The following FOXN2 variants were observed in gnomAD, a reference collection of about 807,000 sequenced individuals.
FOXN2 encodes forkhead box protein N2.
FOXN2 carries 19 observed loss-of-function variants against 41.2 expected under a neutral mutation model. That is an observed-to-expected ratio of 0.46 (90% CI 0.32 to 0.68). The LOEUF (loss-of-function observed/expected upper bound fraction) is 0.68. Ranked by LOEUF, FOXN2 falls within the 30% of genes least tolerant of loss-of-function variation. The pLI is 0.03. For synonymous variants in FOXN2, 195 were observed against 176.8 expected (o/e 1.10, Z -0.82); for missense variants, 587 against 509.4 (o/e 1.15, Z -1.47).
chr2:48,335,240 A>G (rs1474900588), intron 2 of FOXN2, among the ~76,000 whole-genome samples: 1 of 152,250 alleles, frequency 6.6e-6, no homozygotes, highest in Non-Finnish European at 1.5e-5. Flanking sequence ...AAATGAAGAA[A>G]AGAGCAAACA....
intron 5 of FOXN2, among the ~76,000 whole-genome samples, chr2:48,369,871 A>C (rs940632220): frequency 1.3e-5 from 2 of 152,036 alleles, no homozygotes; most frequent in African/African-American, 4.8e-5. Flanking sequence ...GCGGTGGTAC[A>C]TGCCTGTGGT....
In FOXN2 at chr2:48,317,911, G is replaced by A. The variant is rs984901410; in HGVS notation, c.-157+3097G>A. 4.6e-5 allele frequency among the ~76,000 whole-genome samples: 7 copies of A among 151,960 alleles called. No homozygotes were observed. In the South Asian group the frequency reaches 1.5e-3, roughly 32 times the overall value. ...CGGGAACCACCACGCCCGGCTTATAGTATTGTTTTATTAATAATTTTATAT... is the reference window on the plus strand; with the variant it reads ...CGGGAACCACCACGCCCGGCTTATAATATTGTTTTATTAATAATTTTATAT... On this transcript the variant is annotated intron_variant, in intron 1 of 6. Coordinates refer to ENST00000340553, the MANE Select transcript of FOXN2 (RefSeq NM_002158.4).
At position 48,359,281 on chromosome 2, in the gene FOXN2, AGTTTTTAGTTTTT is replaced by A. The variant is rs1672015371; in HGVS notation, c.638+141_638+153del. 4.5e-6 allele frequency: 3 copies of A among 660,666 alleles called. No individual in the cohort carries two copies. In the South Asian group the frequency reaches 6.4e-5, roughly 14 times the overall value. 40.9% of individuals were successfully genotyped at this position (660,666 alleles called of 1,614,324 possible). ...AGTATTTATGTTTTATTTAGTTTTT[AGTTTTTAGTTTTT>A]GTTTTTGTTTTGTTTTGTGGACACA... On this transcript the variant is annotated intron_variant, in intron 4 of 6. Coordinates refer to ENST00000340553, the MANE Select transcript of FOXN2 (RefSeq NM_002158.4).
At chr2:48,315,683 T>C (rs866821987) in intron 1 of FOXN2, among the ~76,000 whole-genome samples, 2 of 152,166 alleles carry the variant, frequency 1.3e-5, no homozygotes, top group Admixed American at 6.5e-5. Context: ...AAGCAGCCCA[T>C]GTGCTCCGTG....
At chr2:48,336,419 AT>A (rs887540829) in intron 2 of FOXN2, among the ~76,000 whole-genome samples, 22 of 90,794 alleles carry the variant, frequency 2.4e-4, no homozygotes, top group South Asian at 6.7e-4. Context: ...AAAAAAAAAA[AT>A]ATATATATAT....
At chr2:48,335,367 T>G (rs1670267012) in intron 2 of FOXN2, among the ~76,000 whole-genome samples, 1 of 152,108 alleles carries the variant, frequency 6.6e-6, no homozygotes, top group East Asian at 1.9e-4. Context: ...AGGTAAATCT[T>G]AAGAAATTTA....
intron 2 of FOXN2, among the ~76,000 whole-genome samples, chr2:48,333,888 GGT>G (rs150519800): frequency 5.4e-4 from 81 of 150,310 alleles, no homozygotes; most frequent in Non-Finnish European, 9.9e-4. Flanking sequence ...TAGGATGTGA[GGT>G]GTGTGTGTGT....
At chr2:48,316,984 G>A (rs1338877757) in intron 1 of FOXN2, among the ~76,000 whole-genome samples, 2 of 151,972 alleles carry the variant, frequency 1.3e-5, no homozygotes, top group African/African-American at 4.8e-5. Context: ...TAGGCCTTAG[G>A]GCAGAAAAGA....
At chr2:48,369,151 A>G (rs1408941201) in intron 5 of FOXN2, among the ~76,000 whole-genome samples, 3 of 152,228 alleles carry the variant, frequency 2.0e-5, no homozygotes, top group South Asian at 2.1e-4. Flanking sequence ...GTATTCATGT[A>G]GCTTTCTTAT....
chr2:48,372,823 C>T (rs1374048630), intron 5 of FOXN2, among the ~76,000 whole-genome samples: 2 of 151,102 alleles, frequency 1.3e-5, no homozygotes, highest in African/African-American at 2.4e-5. Context: ...CCTAGACTGA[C>T]GAATTACATA....
chr2:48,367,431 A>C (rs1672605697), intron 5 of FOXN2, among the ~76,000 whole-genome samples: 1 of 152,208 alleles, frequency 6.6e-6, no homozygotes, highest in African/African-American at 2.4e-5. Flanking sequence ...TTAGGGCTAC[A>C]TGTAAAGCTA....
intron 2 of FOXN2, among the ~76,000 whole-genome samples, chr2:48,333,888 G>GGTGT (rs150519800): frequency 7.3e-5 from 11 of 150,412 alleles, no homozygotes; most frequent in African/African-American, 2.2e-4. Flanking sequence ...TAGGATGTGA[G>GGTGT]GTGTGTGTGT....
At chr2:48,366,603 T>C (rs1247918925) in intron 5 of FOXN2, among the ~76,000 whole-genome samples, 1 of 152,136 alleles carries the variant, frequency 6.6e-6, no homozygotes, top group Non-Finnish European at 1.5e-5. Context: ...ACTTTGAACA[T>C]CCTCCTCTGC....
chr2:48,360,789 G>A (rs1413972160), intron 4 of FOXN2, among the ~76,000 whole-genome samples: 1 of 149,238 alleles, frequency 6.7e-6, no homozygotes, highest in Non-Finnish European at 1.5e-5. Flanking sequence ...AGCTGTGTTG[G>A]GTTTTTTTTT....
rs537822149 is a variant in FOXN2, at chr2:48,326,594, T to G, written c.-156-1967T>G. ...CACCATAGGGGTTTCCATTCATGTATACTGGTTGAGCATCACTAATGCAAA... is the reference window on the plus strand; with the variant it reads ...CACCATAGGGGTTTCCATTCATGTAGACTGGTTGAGCATCACTAATGCAAA... On this transcript the variant is annotated intron_variant, in intron 1 of 6. Transcript: ENST00000340553. 3.1e-4 allele frequency among the ~76,000 whole-genome samples: 47 copies of G among 152,314 alleles called. No individual in the cohort carries two copies. The South Asian group carries it at 9.5e-3, about 31-fold the overall frequency.
chr2:48,321,497 C>T (rs1256441110), intron 1 of FOXN2, among the ~76,000 whole-genome samples: 1 of 152,108 alleles, frequency 6.6e-6, no homozygotes, highest in Non-Finnish European at 1.5e-5. Context: ...GATTGCCCCA[C>T]TGCACTCCAG....
chr2:48,361,878 A>C (rs1448856201), intron 4 of FOXN2, among the ~76,000 whole-genome samples: 2 of 152,336 alleles, frequency 1.3e-5, no homozygotes, highest in Admixed American at 6.5e-5. Flanking sequence ...ATCACTACCA[A>C]GTGTTCCTTA....
intron 2 of FOXN2, among the ~76,000 whole-genome samples, chr2:48,345,229 T>C (rs1274406673): frequency 2.0e-5 from 3 of 152,144 alleles, no homozygotes; most frequent in Non-Finnish European, 4.4e-5. Flanking sequence ...TGATAACTTA[T>C]AGTGAATTTA....
At chr2:48,356,389 C>T (rs898044298) in intron 3 of FOXN2, among the ~76,000 whole-genome samples, 5 of 151,900 alleles carry the variant, frequency 3.3e-5, no homozygotes, top group African/African-American at 7.2e-5. Context: ...TGCAGTGAGC[C>T]GAGATCGCGC....
Sources: gnomAD v4.1 joint callset for allele counts (sites outside exome capture counted in the v4.1 genomes callset) on GRCh38, gnomAD v4.1.1 for gene constraint, MANE v1.5 for transcripts, NCBI Gene and HGNC (gene_info 2026-07-23, HGNC 2026-07-21) for gene names.